Variants in SLC2A9 observed in about 807,000 individuals in gnomAD.
The protein encoded by SLC2A9 is solute carrier family 2 member 9, also known as solute carrier family 2, facilitated glucose transporter member 9.
A neutral mutation model predicts 50.6 loss-of-function variants in SLC2A9; 39 were observed. The observed-to-expected ratio is 0.77, with a 90% CI of 0.60 to 1.01. SLC2A9 has a LOEUF of 1.01. SLC2A9 is among the 50% of genes least tolerant of loss of function. The probability of loss-of-function intolerance (pLI) is 0.00; values close to 1 mark genes in which losing one functional copy is unlikely to be tolerated. For missense variants in SLC2A9, 686 were observed against 677.6 expected (o/e 1.01, Z -0.14); for synonymous variants, 324 against 276.9 (o/e 1.17, Z -1.69).
At chr4:9,968,609 C>T (rs1249530536) in intron 5 of SLC2A9, among the ~76,000 whole-genome samples, 1 of 152,138 alleles carries the variant, frequency 6.6e-6, no homozygotes, top group Non-Finnish European at 1.5e-5. Flanking sequence ...GCCATATATC[C>T]CCCTGCTTAA....
At chr4:9,878,600 C>T (rs759643133) in intron 10 of SLC2A9, among the ~76,000 whole-genome samples, 1 of 151,998 alleles carries the variant, frequency 6.6e-6, no homozygotes, top group Non-Finnish European at 1.5e-5. Flanking sequence ...TTCCACTTGG[C>T]TGTTTCTGAG....
At chr4:9,783,236 C>G in intron 3 of SLC2A9, 1 of 1,614,208 alleles carries the variant, frequency 6.2e-7, no homozygotes, top group Non-Finnish European at 8.5e-7. Flanking sequence ...CATCGTCTTC[C>G]ACAAGGAAAT....
chr4:9,776,524 C>A (rs1260410051), downstream of SLC2A9, among the ~76,000 whole-genome samples: 1 of 152,000 alleles, frequency 6.6e-6, no homozygotes, highest in Non-Finnish European at 1.5e-5. Context: ...GCCGGCACAG[C>A]AAGAGTGCTT....
chr4:9,933,107 G>T (rs533403234), intron 6 of SLC2A9, among the ~76,000 whole-genome samples: 122 of 152,340 alleles, frequency 8.0e-4, no homozygotes, highest in Non-Finnish European at 1.6e-3. Context: ...AAACTCACCT[G>T]GCATCAAAAC....
intron 10 of SLC2A9, among the ~76,000 whole-genome samples, chr4:9,883,374 G>A (rs1368765764): frequency 6.6e-6 from 1 of 152,208 alleles, no homozygotes; most frequent in Non-Finnish European, 1.5e-5. Flanking sequence ...AAACAGCATA[G>A]ATTTTTAACA....
At chr4:9,854,056 A>C (rs1406230065) in intron 10 of SLC2A9, among the ~76,000 whole-genome samples, 1 of 152,196 alleles carries the variant, frequency 6.6e-6, no homozygotes, top group Non-Finnish European at 1.5e-5. Context: ...AAAGATCTCA[A>C]ATTAACAACC....
intron 10 of SLC2A9, among the ~76,000 whole-genome samples, chr4:9,835,464 C>T (rs1577451242): frequency 6.6e-6 from 1 of 152,218 alleles, no homozygotes; most frequent in East Asian, 1.9e-4. Context: ...ATGAGATCTA[C>T]ACCTGGGTGT....
At chr4:9,907,006 T>C (rs1260392113) in intron 8 of SLC2A9, among the ~76,000 whole-genome samples, 1 of 152,224 alleles carries the variant, frequency 6.6e-6, no homozygotes, top group Non-Finnish European at 1.5e-5. Context: ...AAGTGCAAGG[T>C]ACAAAATGAA....
downstream of SLC2A9, among the ~76,000 whole-genome samples, chr4:9,777,273 G>T (rs1464894479): frequency 6.7e-6 from 1 of 149,830 alleles, no homozygotes; most frequent in Non-Finnish European, 1.5e-5. Flanking sequence ...GAAAAAAAGA[G>T]CTCCCTTGCC....
At chr4:9,799,899 AGT>A (rs1404657212) in intron 3 of SLC2A9, among the ~76,000 whole-genome samples, 1 of 152,184 alleles carries the variant, frequency 6.6e-6, no homozygotes, top group Non-Finnish European at 1.5e-5. Context: ...TATCTTATGC[AGT>A]GGTGAAATAT....
At chr4:9,988,652 C>G (rs1757153630) in intron 3 of SLC2A9, among the ~76,000 whole-genome samples, 1 of 152,170 alleles carries the variant, frequency 6.6e-6, no homozygotes, top group Non-Finnish European at 1.5e-5. Flanking sequence ...TCCAGTGTCC[C>G]CAGAACTCCA....
chr4:10,031,790 C>T (rs1418165135), intron 1 of SLC2A9, among the ~76,000 whole-genome samples: 5 of 152,196 alleles, frequency 3.3e-5, no homozygotes, highest in African/African-American at 1.2e-4. Flanking sequence ...GTCCCATGTC[C>T]TGAGACTGAC....
rs533836514 is a variant in SLC2A9 at position 9,960,185 on chromosome 4, T to A, written c.682-18140A>T. Among the ~76,000 whole-genome samples, 3 of 152,350 alleles carry A rather than the reference T, an allele frequency of 2.0e-5. No homozygotes were observed. In the East Asian group the frequency reaches 5.8e-4, roughly 29 times the overall value. Reference sequence around the variant, plus strand: ...CATCTGTCTCATCCAGTTATTGAAGTGCAGCATTTGAATTTACATCTCTCC... The same window carrying A: ...CATCTGTCTCATCCAGTTATTGAAGAGCAGCATTTGAATTTACATCTCTCC... On this transcript the variant is annotated intron_variant, in intron 5 of 11. Transcript: ENST00000264784.
At chr4:9,772,085 T>A (rs1433663568) in intron 1 of SLC2A9, among the ~76,000 whole-genome samples, 1 of 152,076 alleles carries the variant, frequency 6.6e-6, no homozygotes, top group Admixed American at 6.5e-5. Flanking sequence ...TCATAGGGAG[T>A]ATGAAGAACA....
At chr4:9,802,716 G>A (rs923109656) in intron 3 of SLC2A9, among the ~76,000 whole-genome samples, 6 of 151,746 alleles carry the variant, frequency 4.0e-5, no homozygotes, top group Admixed American at 1.3e-4. Flanking sequence ...CCACCACTAC[G>A]CCTGGCCAAT....
intron 3 of SLC2A9, among the ~76,000 whole-genome samples, chr4:9,801,450 T>C (rs541035736): frequency 1.3e-5 from 2 of 152,296 alleles, no homozygotes; most frequent in African/African-American, 4.8e-5. Flanking sequence ...TTTGAGCTGG[T>C]TTACACAATA....
intron 10 of SLC2A9, among the ~76,000 whole-genome samples, chr4:9,882,667 T>A (rs1300234175): frequency 7.0e-6 from 1 of 143,848 alleles, no homozygotes; most frequent in South Asian, 2.2e-4. Flanking sequence ...TGAGATCGCG[T>A]CACTGCACTC....
intron 5 of SLC2A9, among the ~76,000 whole-genome samples, chr4:9,976,739 A>G (rs1754866032): frequency 1.3e-5 from 2 of 152,234 alleles, no homozygotes; most frequent in Admixed American, 6.5e-5. Context: ...CTTGGCTGGC[A>G]TCATGTTCAT....
intron 7 of SLC2A9, among the ~76,000 whole-genome samples, chr4:9,912,840 G>A (rs1454629950): frequency 6.6e-6 from 1 of 152,198 alleles, no homozygotes; most frequent in South Asian, 2.1e-4. Context: ...TCTTGACATG[G>A]GGAAGTTATC....
Sources: gnomAD v4.1 joint callset for allele counts (sites outside exome capture counted in the v4.1 genomes callset) on GRCh38, gnomAD v4.1.1 for gene constraint, MANE v1.5 for transcripts, NCBI Gene and HGNC (gene_info 2026-07-23, HGNC 2026-07-21) for gene names.